Variants in PXDNL observed in about 807,000 individuals in gnomAD.
The protein encoded by PXDNL is peroxidasin like.
In PXDNL, 145 loss-of-function variants were observed where a neutral mutation model predicts 150.8. The ratio of observed to expected loss-of-function variants is 0.96; its 90% CI spans 0.84 to 1.10. PXDNL has a LOEUF of 1.10. Among genes scored for constraint, PXDNL ranks in the 50% least tolerant of loss-of-function variants. PXDNL has a pLI of 0.00. For synonymous variants in PXDNL, 757 were observed against 725.7 expected (o/e 1.04, Z -0.69); for missense variants, 2,087 against 1,873.9 (o/e 1.11, Z -2.10).
Position 51,788,180 on chromosome 8 carries a change from T to C in PXDNL, c.164+21001A>G, listed in dbSNP as rs115630260. Among the ~76,000 whole-genome samples the C allele has an allele frequency of 4.9e-3, 745 of 152,348 alleles. 6 individuals carry two copies. Among genetic ancestry groups the C allele is most frequent in the African/African-American group, 0.017 (715 of 41,574 alleles). On this transcript the variant is annotated intron_variant, in intron 1 of 22. Transcript: ENST00000356297. ...TCACTTTTATGCGATATTAGCTTAA[T>C]TGTAGTTGTCTGGGACTAAACCTGC... is the stretch of plus-strand genomic sequence containing the variant.
At chr8:51,327,475 T>A (rs1480805439) in intron 21 of PXDNL, among the ~76,000 whole-genome samples, 1 of 152,214 alleles carries the variant, frequency 6.6e-6, no homozygotes, top group Non-Finnish European at 1.5e-5. Context: ...AAACCTTTTG[T>A]ATGCAAAATT....
chr8:51,465,801 G>C (rs1810192648), intron 8 of PXDNL, among the ~76,000 whole-genome samples: 1 of 151,998 alleles, frequency 6.6e-6, no homozygotes. Context: ...ACTTACAATA[G>C]CCACAAAAAG....
intron 1 of PXDNL, among the ~76,000 whole-genome samples, chr8:51,744,094 G>A (rs1281292160): frequency 8.7e-6 from 1 of 114,750 alleles, no homozygotes; most frequent in East Asian, 2.5e-4. Flanking sequence ...AGGAAGGAAG[G>A]AAAGAAAGAA....
At chr8:51,701,248 A>G (rs1196982694) in intron 1 of PXDNL, among the ~76,000 whole-genome samples, 1 of 152,140 alleles carries the variant, frequency 6.6e-6, no homozygotes, top group Non-Finnish European at 1.5e-5. Context: ...ATAATATTAT[A>G]TGTATATTAC....
At chr8:51,377,008 C>T (rs1050636092) in intron 17 of PXDNL, among the ~76,000 whole-genome samples, 5 of 152,124 alleles carry the variant, frequency 3.3e-5, no homozygotes, top group East Asian at 1.9e-4. Context: ...TGAGCCACCG[C>T]GCCCAGCCTT....
chr8:51,471,986 G>T (rs1205102209), intron 8 of PXDNL, among the ~76,000 whole-genome samples: 2 of 152,074 alleles, frequency 1.3e-5, no homozygotes, highest in Non-Finnish European at 2.9e-5. Flanking sequence ...CACCGCGCCC[G>T]GCCGGAAATG....
chr8:51,578,006 G>GAAGGAAGC (rs1430428385), intron 3 of PXDNL, among the ~76,000 whole-genome samples: 4 of 78,074 alleles, frequency 5.1e-5, no homozygotes, highest in Non-Finnish European at 9.4e-5. Context: ...AAAGAGGAAG[G>GAAGGAAGC]AAGGAAGGAA....
In PXDNL at chr8:51,743,276, G is replaced by A. The variant is rs191886926; in HGVS notation, c.164+65905C>T. On this transcript the variant is annotated intron_variant, in intron 1 of 22. Transcript: ENST00000356297. ...TCTGTCATCCAGGCTGGAATGCAGC[G>A]GCATGATCTCGGCTCACTGTAACCT... 4.4e-3 allele frequency among the ~76,000 whole-genome samples: 663 copies of A among 152,206 alleles called. 5 individuals carry two copies. Among genetic ancestry groups the A allele is most frequent in the South Asian group, 0.022 (105 of 4,816 alleles).
At chr8:51,425,560 G>A (rs1014110015) in intron 13 of PXDNL, among the ~76,000 whole-genome samples, 8 of 152,062 alleles carry the variant, frequency 5.3e-5, no homozygotes, top group East Asian at 1.9e-4. Context: ...TAGGCTGGGC[G>A]TGGTGGCTCA....
chr8:51,754,348 G>A (rs1457576955), intron 1 of PXDNL, among the ~76,000 whole-genome samples: 1 of 152,124 alleles, frequency 6.6e-6, no homozygotes, highest in Non-Finnish European at 1.5e-5. Flanking sequence ...ATCCCATTGC[G>A]GGTGGTTCTG....
intron 5 of PXDNL, among the ~76,000 whole-genome samples, chr8:51,493,661 A>G (rs1203824238): frequency 1.3e-5 from 2 of 152,248 alleles, no homozygotes; most frequent in African/African-American, 4.8e-5. Flanking sequence ...CGATTTGATC[A>G]TGTGGAAGAA....
chr8:51,705,108 G>A (rs187959138), intron 1 of PXDNL, among the ~76,000 whole-genome samples: 61 of 152,264 alleles, frequency 4.0e-4, no homozygotes, highest in African/African-American at 1.4e-3. Context: ...GAAAGAATTT[G>A]TACTGCCCGC....
At chr8:51,793,791 G>T (rs982434319) in intron 1 of PXDNL, among the ~76,000 whole-genome samples, 4 of 152,084 alleles carry the variant, frequency 2.6e-5, no homozygotes, top group Middle Eastern at 3.4e-3. Context: ...TACTCAGGAG[G>T]CTAAGGCATG....
intron 1 of PXDNL, among the ~76,000 whole-genome samples, chr8:51,727,114 C>T: frequency 6.6e-6 from 1 of 152,166 alleles, no homozygotes; most frequent in East Asian, 1.9e-4. Context: ...AATGTTTTGC[C>T]TCAAGAAATA....
chr8:51,776,014 C>T lies in PXDNL; in HGVS notation c.164+33167G>A, dbSNP rs545686910. ...GTCTCTAAAATGGCCACTTTAGGAACGGCTGTCTTTTACAGTTGTGTAAGG... is the reference window on the plus strand; with the variant it reads ...GTCTCTAAAATGGCCACTTTAGGAATGGCTGTCTTTTACAGTTGTGTAAGG... On this transcript the variant is annotated intron_variant, in intron 1 of 22. Transcript: ENST00000356297. Among the ~76,000 whole-genome samples the T allele has an allele frequency of 1.1e-4, 16 of 152,268 alleles. 1 individual carries two copies. The highest frequency in any genetic ancestry group is 1.0e-3 in the South Asian group (5 of 4,812).
At chr8:51,423,754 C>A in intron 13 of PXDNL, 23 bp from the exon 14 acceptor site, 1 of 1,599,644 alleles carries the variant, frequency 6.3e-7, no homozygotes, top group Admixed American at 1.7e-5. Context: ...AAAGAGTTGC[C>A]ACTGAATGAG....
At chr8:51,361,205 A>G (rs1260100018) in intron 19 of PXDNL, among the ~76,000 whole-genome samples, 1 of 152,212 alleles carries the variant, frequency 6.6e-6, no homozygotes, top group African/African-American at 2.4e-5. Context: ...AAAACACAAC[A>G]GAAACTGGAC....
chr8:51,618,585 A>G (rs1229187697), intron 2 of PXDNL, among the ~76,000 whole-genome samples: 1 of 152,186 alleles, frequency 6.6e-6, no homozygotes, highest in Non-Finnish European at 1.5e-5. Flanking sequence ...GCCTCGCAAT[A>G]AAAGTCAGTG....
intron 7 of PXDNL, 47 bp downstream of exon 7, chr8:51,474,925 C>A (rs1218215129): frequency 6.3e-6 from 9 of 1,423,756 alleles, no homozygotes; most frequent in South Asian, 1.4e-5. Context: ...AAAAAGAGAG[C>A]AAATGAGAGA....
Sources: gnomAD v4.1 joint callset for allele counts (sites outside exome capture counted in the v4.1 genomes callset) on GRCh38, gnomAD v4.1.1 for gene constraint, MANE v1.5 for transcripts, NCBI Gene and HGNC (gene_info 2026-07-23, HGNC 2026-07-21) for gene names.